FDXACB1: variants seen among roughly 807,000 people sequenced by gnomAD.
The protein encoded by FDXACB1 is ferredoxin-fold anticodon-binding domain-containing protein 1.
FDXACB1 carries 41 observed loss-of-function variants against 51.7 expected under a neutral mutation model. The observed-to-expected ratio is 0.79, with a 90% CI of 0.62 to 1.03. The LOEUF is 1.03. FDXACB1 is among the 50% of genes least tolerant of loss of function. The pLI, the probability that FDXACB1 is intolerant of heterozygous loss-of-function variation, is 0.00. For missense variants in FDXACB1, 697 were observed against 746.4 expected (o/e 0.93, Z 0.77); for synonymous variants, 273 against 278.6 (o/e 0.98, Z 0.20).
At chr11:111,878,747 C>T in intron 1 of FDXACB1, 35 bp from the exon 2 acceptor site, 1 of 1,594,078 alleles carries the variant, frequency 6.3e-7, no homozygotes, top group Non-Finnish European at 8.6e-7. Context: ...AAAATATAGA[C>T]AGGAGGATGC....
At chr11:111,877,068 A>G in intron 2 of FDXACB1, 57 bp from the exon 3 acceptor site, 1 of 1,502,446 alleles carries the variant, frequency 6.7e-7, no homozygotes, top group Non-Finnish European at 9.0e-7. Context: ...AAATTACCAC[A>G]GGAGTTGGCA....
Position 111,875,059 on chromosome 11 carries a change from T to C in FDXACB1, c.1738A>G (p.Lys580Glu), listed in dbSNP as rs782539243. The C allele has an allele frequency of 6.2e-7, 1 of 1,613,948 alleles. No homozygotes were observed. The highest frequency in any genetic ancestry group is 8.5e-7 in the Non-Finnish European group (1 of 1,179,898). ...TAGCAGAGACTGACCTGTTGAGTCT[T>C]TGGATGCTGGAAACGGCTAAGAAAC... ...IQFLSRFQHPKTQQVSLCYRL... is the reference protein window; with the variant it reads ...IQFLSRFQHPETQQVSLCYRL... The change falls in exon 5 of 5, where the codon AAG becomes GAG. Residue 580 changes from lysine (K) to glutamate (E), a missense_variant. Around this residue, in one of 3 missense-constraint regions of FDXACB1, gnomAD observed 538 missense variants for 592.2 expected, o/e 0.91. Transcript: ENST00000260257.
At position 111,876,044 on chromosome 11, in the gene FDXACB1, A is replaced by C. The variant is rs1378004692; in HGVS notation, c.753T>G (p.Ala251=). The C allele has an allele frequency of 2.5e-6, 4 of 1,613,982 alleles. No homozygotes were observed. The East Asian group carries it at 8.9e-5, about 36-fold the overall frequency. Residue 251 remains alanine, a synonymous_variant, in exon 5 of 5, where the codon GCT becomes GCG. Coordinates refer to ENST00000260257, the MANE Select transcript of FDXACB1 (RefSeq NM_138378.3). ...PIKTINEKLI[A]ELGKVFPLKR... is the part of the protein sequence containing the mutation. ...TTAGCGGGAAAACTTTGCCTAATTC[A>C]GCAATGAGTTTCTCATTTATGGTTT... is the stretch of plus-strand genomic sequence containing the variant.
At chr11:111,877,072 GT>G in intron 2 of FDXACB1, 61 bp from the exon 3 acceptor site, 1 of 1,488,122 alleles carries the variant, frequency 6.7e-7, no homozygotes, top group Non-Finnish European at 9.1e-7. Flanking sequence ...TACCACAGGA[GT>G]TGGCAACATA....
intron 3 of FDXACB1, 54 bp downstream of exon 3, chr11:111,876,754 T>C (rs915488331): frequency 3.1e-6 from 5 of 1,597,062 alleles, no homozygotes; most frequent in African/African-American, 1.3e-5. Context: ...GATTTTGTTA[T>C]CATTAGTGAG....
Position 111,874,834 on chromosome 11 carries a change from T to A in FDXACB1, c.*88A>T. The A allele has an allele frequency of 1.8e-6, 2 of 1,092,456 alleles. No homozygotes were observed. Among genetic ancestry groups the A allele is most frequent in the Non-Finnish European group, 2.6e-6 (2 of 779,788 alleles). 67.7% of individuals were successfully genotyped at this position (1,092,456 alleles called of 1,614,324 possible). ...GTAAAAGATTTTACAAAAACAAAAA[T>A]CCAGAAAGGACTACTGGTTGCAAGT... On this transcript the variant is annotated 3_prime_UTR_variant, in exon 5 of 5. Coordinates refer to ENST00000260257, the MANE Select transcript of FDXACB1 (RefSeq NM_138378.3).
In FDXACB1 at chr11:111,879,054, T is replaced by C. The variant is rs531261233; in HGVS notation, c.79A>G (p.Ser27Gly). The C allele has an allele frequency of 6.2e-7, 1 of 1,613,744 alleles. No homozygotes were observed. The highest frequency in any genetic ancestry group is 1.7e-5 in the Admixed American group (1 of 59,990). Residue 27 changes from serine (S) to glycine (G), a missense_variant, in exon 1 of 5, where the codon AGC (serine) becomes GGC (glycine). Physicochemically the swap from Ser to Gly is moderately conservative, Grantham distance 56. Coordinates refer to ENST00000260257, the MANE Select transcript of FDXACB1 (RefSeq NM_138378.3). ...AGGCAGGTGGCGGTAAGTTGAGTGC[T>C]CTGATCCAGGGTTTCGCTCAGAGCG... Reference protein sequence around the residue: ...AAALSETLDQSTQLTATCLQR... With the variant: ...AAALSETLDQGTQLTATCLQR...
Position 111,874,110 on chromosome 11 carries a change from A to T in FDXACB1, c.*812T>A, listed in dbSNP as rs985794162. Reference sequence around the variant, plus strand: ...CCATGACTTTCAACCACAGAATTAAAATGGTGATGATTATAATAATAATAC... The same window carrying T: ...CCATGACTTTCAACCACAGAATTAATATGGTGATGATTATAATAATAATAC... On this transcript the variant is annotated 3_prime_UTR_variant, in exon 5 of 5. Coordinates refer to ENST00000260257, the MANE Select transcript of FDXACB1 (RefSeq NM_138378.3). 1.3e-5 allele frequency: 2 copies of T among 152,228 alleles called. No individual in the cohort carries two copies. The highest frequency in any genetic ancestry group is 4.8e-5 in the African/African-American group (2 of 41,458). 9.4% of individuals were successfully genotyped at this position (152,228 alleles called of 1,614,324 possible).
chr11:111,879,149 C>CG lies in FDXACB1; in HGVS notation c.-18dup. On this transcript the variant is annotated 5_prime_UTR_variant, in exon 1 of 5. Coordinates refer to ENST00000260257, the MANE Select transcript of FDXACB1 (RefSeq NM_138378.3). Reference sequence around the variant, plus strand: ...AGGGGCCATGGCCTCCACGGACTCCCGGCTCGCGTTCTCTGTGGCGCTCGT... The same window carrying CG: ...AGGGGCCATGGCCTCCACGGACTCCCGGGCTCGCGTTCTCTGTGGCGCTCGT... The CG allele has an allele frequency of 1.3e-6, 2 of 1,597,098 alleles. No individual in the cohort carries two copies. Among genetic ancestry groups the CG allele is most frequent in the Non-Finnish European group, 1.7e-6 (2 of 1,171,568 alleles).
In FDXACB1 at chr11:111,875,180, A is replaced by G. The variant is rs782630821; in HGVS notation, c.1617T>C (p.Asp539=). 1.9e-6 allele frequency: 3 copies of G among 1,613,872 alleles called. No individual in the cohort carries two copies. In the Admixed American group the frequency reaches 5.0e-5, roughly 27 times the overall value. ...HSLYPPCYVH[D]VSFWIDQKKG... is the part of the protein sequence containing the mutation. ...TCTTCTGATCTATCCAAAAACTAACATCATGCACATAACATGGAGGATACA... is the reference window on the plus strand; with the variant it reads ...TCTTCTGATCTATCCAAAAACTAACGTCATGCACATAACATGGAGGATACA... Residue 539 remains aspartate (D), a synonymous_variant, in exon 5 of 5, where the codon GAT becomes GAC. Transcript: ENST00000260257.
At chr11:111,878,799 T>A (rs1172514549) in intron 1 of FDXACB1, 87 bp from the exon 2 acceptor site, 16 of 1,521,896 alleles carry the variant, frequency 1.1e-5, no homozygotes, top group Non-Finnish European at 1.3e-5. Flanking sequence ...ACTTAAACCG[T>A]GCAGACCAGC....
rs917979681 is a variant in FDXACB1 at position 111,874,705 on chromosome 11, A to T, written c.*217T>A. 1 of 530,338 alleles carries T rather than the reference A, an allele frequency of 1.9e-6. No homozygotes were observed. Among genetic ancestry groups the T allele is most frequent in the Non-Finnish European group, 3.3e-6 (1 of 298,842 alleles). The allele number at this position is 530,338 out of a possible 1,614,324, so 32.9% of individuals were successfully genotyped here. A position where few individuals can be genotyped will look rare whatever the true frequency, so the allele number is the denominator to read the frequency against. On this transcript the variant is annotated 3_prime_UTR_variant, in exon 5 of 5. Coordinates refer to ENST00000260257, the MANE Select transcript of FDXACB1 (RefSeq NM_138378.3). ...GGGAGGTGGAGCTTATAGTGAGCTG[A>T]TATCATGCCACTGCCACTGCACTCC...
At chr11:111,876,200 G>A in intron 4 of FDXACB1, 96 bp from the exon 5 acceptor site, 2 of 1,089,930 alleles carry the variant, frequency 1.8e-6, no homozygotes, top group South Asian at 1.7e-5. Flanking sequence ...GGACAGAAAA[G>A]AATTATCTTT....
Position 111,876,861 on chromosome 11 carries a change from G to A in FDXACB1, c.480C>T (p.Asp160=), listed in dbSNP as rs200419859. ...MAALGGLILS[D]VYPFSCKAVA... is the part of the protein sequence containing the mutation. Reference sequence around the variant, plus strand: ...CAGCCTTACAGCTGAATGGATACACGTCGCTTAAAATGAGCCCCCCCAGGG... The same window carrying A: ...CAGCCTTACAGCTGAATGGATACACATCGCTTAAAATGAGCCCCCCCAGGG... Residue 160 remains aspartate (D), a synonymous_variant, in exon 3 of 5, where the codon GAC becomes GAT. Coordinates refer to ENST00000260257, the MANE Select transcript of FDXACB1 (RefSeq NM_138378.3). The A allele has an allele frequency of 5.0e-6, 8 of 1,613,852 alleles. No homozygotes were observed. Among genetic ancestry groups the A allele is most frequent in the East Asian group, 2.2e-5 (1 of 44,888 alleles).
rs550191900 is a variant in FDXACB1 at position 111,874,566 on chromosome 11, C to T, written c.*356G>A. ...GAGATTGAGACCATCCTGGCTAACACGGTGAAACCTCGTCTCTACTAAAAA... is the reference window on the plus strand; with the variant it reads ...GAGATTGAGACCATCCTGGCTAACATGGTGAAACCTCGTCTCTACTAAAAA... On this transcript the variant is annotated 3_prime_UTR_variant, in exon 5 of 5. Transcript: ENST00000260257. 1.3e-4 allele frequency: 24 copies of T among 190,916 alleles called. No individual in the cohort carries two copies. The highest frequency in any genetic ancestry group is 1.1e-3 in the South Asian group (11 of 10,150). 11.8% of individuals were successfully genotyped at this position (190,916 alleles called of 1,614,324 possible).
rs935876732 is a variant in FDXACB1, at chr11:111,874,794, A to G, written c.*128T>C. The G allele has an allele frequency of 1.0e-5, 7 of 698,992 alleles. No individual in the cohort carries two copies. The Admixed American group carries it at 1.5e-4, about 15-fold the overall frequency. 43.3% of individuals were successfully genotyped at this position (698,992 alleles called of 1,614,324 possible). A position where few individuals can be genotyped will look rare whatever the true frequency, so the allele number is the denominator to read the frequency against. ...AAAAAAAAAAAGATCAACGAACAGTAGCTATGGTCACAAAGTAAAAGATTT... is the reference window on the plus strand; with the variant it reads ...AAAAAAAAAAAGATCAACGAACAGTGGCTATGGTCACAAAGTAAAAGATTT... On this transcript the variant is annotated 3_prime_UTR_variant, in exon 5 of 5. Transcript: ENST00000260257.
Position 111,875,574 on chromosome 11 carries a change from A to G in FDXACB1, c.1223T>C (p.Leu408Pro), listed in dbSNP as rs782480133. 1.2e-6 allele frequency: 2 copies of G among 1,612,164 alleles called. No individual in the cohort carries two copies. The highest frequency in any genetic ancestry group is 1.1e-5 in the South Asian group (1 of 90,974). Residue 408 changes from leucine (L) to proline (P), a missense_variant, in exon 5 of 5, where the codon CTT becomes CCT. Physicochemically the swap from Leu to Pro is moderately conservative, Grantham distance 98. This residue lies in a region of FDXACB1 where 538 missense variants were observed against 592.2 expected (regional missense o/e 0.91). Coordinates refer to ENST00000260257, the MANE Select transcript of FDXACB1 (RefSeq NM_138378.3). ...GVNQNLKDGC[L>P]QSLLDHLKGI... is the part of the protein sequence containing the mutation. ...CTTCAGATGATCCAGCAGTGATTGA[A>G]GACAGCCATCCTTCAGATTTTGATT...
chr11:111,874,985 T>C lies in FDXACB1; in HGVS notation c.1812A>G (p.Val604=), dbSNP rs1592487945. The C allele has an allele frequency of 1.2e-6, 2 of 1,614,022 alleles. No homozygotes were observed. The highest frequency in any genetic ancestry group is 4.5e-5 in the East Asian group (2 of 44,882). ...TCCTAAACTGGGACTGCATTGATGC[T>C]ACTTGCTGCTGGGTGAGGGCCTTGT... is the stretch of plus-strand genomic sequence containing the variant. The part of the protein sequence containing the change: ...TCDKALTQQQ[V]ASMQSQFRKE... The change falls in exon 5 of 5, where the codon GTA becomes GTG. Residue 604 remains valine, a synonymous_variant. Coordinates refer to ENST00000260257, the MANE Select transcript of FDXACB1 (RefSeq NM_138378.3).
chr11:111,879,088 G>A lies in FDXACB1; in HGVS notation c.45C>T (p.Ser15=), dbSNP rs782309691. 2.3e-5 allele frequency: 37 copies of A among 1,613,252 alleles called. No homozygotes were observed. The Admixed American group carries it at 5.2e-4, about 23-fold the overall frequency. ...GGGTTTCGCTCAGAGCGGCGGCGAA[G>A]GAGAAATTCCCCTCCCCAACCAACA... ...RLLLVGEGNF[S]FAAALSETLD... The change falls in exon 1 of 5, where the codon TCC becomes TCT. Residue 15 remains serine (S), a synonymous_variant. Transcript: ENST00000260257.
Sources: gnomAD v4.1 joint callset for allele counts on GRCh38, gnomAD v4.1.1 for gene constraint, gnomAD v4.1.1 regional missense constraint, MANE v1.5 for transcripts, NCBI Gene and HGNC (gene_info 2026-07-23, HGNC 2026-07-21) for gene names.